Variants in ROBO2 observed in about 807,000 individuals in gnomAD.
ROBO2 encodes the protein roundabout guidance receptor 2.
ROBO2 carries 53 observed loss-of-function variants against 160.8 expected under a neutral mutation model. The observed-to-expected ratio is 0.33, with a 90% CI of 0.26 to 0.41. The LOEUF (loss-of-function observed/expected upper bound fraction) is 0.41. Ranked by LOEUF, ROBO2 falls within the 10% of genes least tolerant of loss-of-function variation. ROBO2 has a pLI of 1.00. For synonymous variants in ROBO2, 664 were observed against 611.7 expected, an observed-to-expected ratio of 1.09 and a Z score of -1.26; for missense variants, 1,577 against 1,722.4, an observed-to-expected ratio of 0.92 and a Z score of 1.49.
At chr3:77,559,406 G>C (rs1198743093) in intron 9 of ROBO2, among the ~76,000 whole-genome samples, 1 of 152,040 alleles carries the variant, frequency 6.6e-6, no homozygotes, top group Admixed American at 6.6e-5. Context: ...CAAGTGCTAT[G>C]TGAAAGCTGG....
intron 2 of ROBO2, among the ~76,000 whole-genome samples, chr3:76,937,211 C>A: frequency 6.6e-6 from 1 of 152,274 alleles, no homozygotes; most frequent in South Asian, 2.1e-4. Context: ...AGGGCTAGGT[C>A]ATTTTACCAT....
chr3:75,988,356 G>T (rs997402109), intron 2 of ROBO2, among the ~76,000 whole-genome samples: 5 of 152,076 alleles, frequency 3.3e-5, no homozygotes, highest in African/African-American at 1.2e-4. Flanking sequence ...TTTTATTTAT[G>T]CAGAGTAAGT....
At chr3:76,489,334 A>G (rs1284387334) in intron 2 of ROBO2, among the ~76,000 whole-genome samples, 3 of 152,068 alleles carry the variant, frequency 2.0e-5, no homozygotes, top group Admixed American at 6.6e-5. Context: ...TGGAAGCCAC[A>G]GTGATATAGT....
At chr3:77,285,906 A>G (rs892615119) in intron 2 of ROBO2, among the ~76,000 whole-genome samples, 7 of 152,184 alleles carry the variant, frequency 4.6e-5, no homozygotes, top group Non-Finnish European at 8.8e-5. Context: ...GCCCTATATA[A>G]TACCAAATGC....
chr3:77,298,258 C>T lies in ROBO2; in HGVS notation c.389-179156C>T, dbSNP rs138074683. Reference sequence around the variant, plus strand: ...AACCACACCAACTAACACCAGGAAACGCAGAGGGCCATTTACTAATAACTC... The same window carrying T: ...AACCACACCAACTAACACCAGGAAATGCAGAGGGCCATTTACTAATAACTC... On this transcript the variant is annotated intron_variant, in intron 2 of 25. Transcript: ENST00000461745. 2.4e-4 allele frequency among the ~76,000 whole-genome samples: 36 copies of T among 152,186 alleles called. No individual in the cohort carries two copies. The East Asian group carries it at 6.6e-3, about 28-fold the overall frequency.
At chr3:76,719,448 G>A (rs2093431188) in intron 2 of ROBO2, among the ~76,000 whole-genome samples, 1 of 152,074 alleles carries the variant, frequency 6.6e-6, no homozygotes, top group Non-Finnish European at 1.5e-5. Context: ...CGGTCCTCCT[G>A]CCTCATCCTC....
At chr3:76,979,209 G>A (rs1177945175) in intron 2 of ROBO2, among the ~76,000 whole-genome samples, 1 of 152,096 alleles carries the variant, frequency 6.6e-6, no homozygotes, top group Non-Finnish European at 1.5e-5. Context: ...CTCTCAAAGT[G>A]CTGGAATTAC....
chr3:76,914,382 A>C (rs529317003), intron 2 of ROBO2, among the ~76,000 whole-genome samples: 2 of 152,314 alleles, frequency 1.3e-5, no homozygotes, highest in East Asian at 3.9e-4. Context: ...TCCCTGCTCA[A>C]ATATACATTA....
chr3:77,585,969 G>A (rs2094036525), intron 16 of ROBO2, among the ~76,000 whole-genome samples: 1 of 152,056 alleles, frequency 6.6e-6, no homozygotes, highest in South Asian at 2.1e-4. Flanking sequence ...TTATGGTTGA[G>A]AATTTTAGAT....
intron 2 of ROBO2, among the ~76,000 whole-genome samples, chr3:76,600,081 C>A (rs1489359231): frequency 1.3e-5 from 2 of 152,154 alleles, no homozygotes; most frequent in Non-Finnish European, 2.9e-5. Flanking sequence ...GCTTTTGTTG[C>A]AATTGCTTTT....
intron 2 of ROBO2, among the ~76,000 whole-genome samples, chr3:76,253,316 A>G (rs994583148): frequency 4.6e-5 from 7 of 152,094 alleles, no homozygotes; most frequent in African/African-American, 1.7e-4. Context: ...ACTCTCACTC[A>G]TGCTGGACTG....
chr3:76,064,744 G>A (rs145040762), intron 2 of ROBO2, among the ~76,000 whole-genome samples: 2 of 152,176 alleles, frequency 1.3e-5, no homozygotes, highest in African/African-American at 4.8e-5. Context: ...ATAGAGCTAA[G>A]ATATTTTAGG....
Position 76,996,434 on chromosome 3 carries a change from G to T in ROBO2, c.110-101580G>T, listed in dbSNP as rs189288829. On this transcript the variant is annotated intron_variant, in intron 2 of 26. Transcript: ENST00000487694. Reference sequence around the variant, plus strand: ...GGCTTAGGACTGACTTGGCAATGTGGGCTCTTTTTTGGTTCCATATGAACT... The same window carrying T: ...GGCTTAGGACTGACTTGGCAATGTGTGCTCTTTTTTGGTTCCATATGAACT... Among the ~76,000 whole-genome samples, 37 of 152,190 alleles carry T rather than the reference G, an allele frequency of 2.4e-4. No homozygotes were observed. The East Asian group carries it at 7.0e-3, about 29-fold the overall frequency.
chr3:77,358,353 A>T (rs2069430413), intron 2 of ROBO2, among the ~76,000 whole-genome samples: 1 of 152,130 alleles, frequency 6.6e-6, no homozygotes, highest in Admixed American at 6.6e-5. Context: ...TTTTTATAAC[A>T]ACACTGCTTA....
intron 2 of ROBO2, among the ~76,000 whole-genome samples, chr3:76,415,696 C>T (rs1234436474): frequency 6.6e-6 from 1 of 152,132 alleles, no homozygotes; most frequent in Non-Finnish European, 1.5e-5. Flanking sequence ...CTTATAGCTG[C>T]TCCTTATAAA....
At chr3:76,005,698 C>T (rs977810120) in intron 2 of ROBO2, among the ~76,000 whole-genome samples, 4 of 152,034 alleles carry the variant, frequency 2.6e-5, no homozygotes, top group Non-Finnish European at 5.9e-5. Flanking sequence ...TCCAGAGTTA[C>T]AACAAAATGA....
intron 2 of ROBO2, among the ~76,000 whole-genome samples, chr3:77,205,292 G>A (rs567156997): frequency 6.6e-6 from 1 of 151,978 alleles, no homozygotes; most frequent in Non-Finnish European, 1.5e-5. Context: ...CTGGGCGGGG[G>A]CAATGGACTG....
chr3:76,407,194 C>A (rs1370409491), intron 2 of ROBO2, among the ~76,000 whole-genome samples: 2 of 151,756 alleles, frequency 1.3e-5, no homozygotes, highest in Non-Finnish European at 2.9e-5. Context: ...ATATTCAGGT[C>A]TCATTTTACA....
chr3:77,296,761 G>A lies in ROBO2; in HGVS notation c.389-180653G>A, dbSNP rs116320812. Among the ~76,000 whole-genome samples the A allele has an allele frequency of 2.1e-3, 321 of 152,224 alleles. 2 individuals are homozygous for A. The highest frequency in any genetic ancestry group is 7.4e-3 in the African/African-American group (307 of 41,552). On this transcript the variant is annotated intron_variant, in intron 2 of 25. Coordinates refer to ENST00000461745, the Ensembl canonical transcript of ROBO2. The stretch of plus-strand genomic sequence containing the variant: ...TGAAAGGTTACTTGCTGCTCCTGCA[G>A]GACAAAAGAGGAGGGACCTGGGAGA...
Sources: allele counts gnomAD v4.1 joint callset (sites outside exome capture counted in the v4.1 genomes callset), GRCh38; gene constraint gnomAD v4.1.1; transcripts MANE v1.5; gene names NCBI Gene and HGNC (gene_info 2026-07-23, HGNC 2026-07-21).